Variants in ALS2 observed in about 807,000 individuals in gnomAD.
ALS2 encodes the protein alsin Rho guanine nucleotide exchange factor ALS2.
A neutral mutation model predicts 203.4 loss-of-function variants in ALS2; 117 were observed. The ratio of observed to expected loss-of-function variants is 0.58; its 90% CI spans 0.50 to 0.67. The LOEUF is 0.67. ALS2 is among the 30% of genes least tolerant of loss of function. The pLI, the probability that ALS2 is intolerant of heterozygous loss-of-function variation, is 0.00. For synonymous variants in ALS2, 718 were observed against 725.9 expected (o/e 0.99, Z 0.17); for missense variants, 1,715 against 1,989.4 (o/e 0.86, Z 2.62).
intron 25 of ALS2, among the ~76,000 whole-genome samples, chr2:201,714,262 C>T (rs185065279): frequency 6.6e-6 from 1 of 152,338 alleles, no homozygotes; most frequent in East Asian, 1.9e-4. Context: ...TTATGGTGAA[C>T]ATCTGCTTTC....
Position 201,761,366 on chromosome 2 carries a change from C to A in ALS2, c.628G>T (p.Ala210Ser), listed in dbSNP as rs200372769. The A allele has an allele frequency of 6.2e-7, 1 of 1,613,100 alleles. No individual in the cohort carries two copies. Among genetic ancestry groups the A allele is most frequent in the Non-Finnish European group, 8.5e-7 (1 of 1,179,084 alleles). The change falls in exon 4 of 34, where the codon GCT (alanine) becomes TCT (serine). Residue 210 changes from alanine (A) to serine (S), a missense_variant. Coordinates refer to ENST00000264276, the MANE Select transcript of ALS2 (RefSeq NM_020919.4). ...TGTACAAGGGCTAAGCTGTGGAAAG[C>A]ACCACAGGCAACTTGAAGCACCACT... ...GRVVLQVACG[A>S]FHSLALVQCL...
rs1320791581 is a variant in ALS2, at chr2:201,757,824, AAAAG to A, written c.1114-69_1114-66del. ...TCCCTTATGCAACAAGCAATCAATA[AAAAG>A]AAAGGCTAATATCCATCGCTATTTG... is the stretch of plus-strand genomic sequence containing the variant. On this transcript the variant is annotated intron_variant, in intron 4 of 33. Transcript: ENST00000264276. 7.8e-6 allele frequency: 10 copies of A among 1,287,084 alleles called. No individual in the cohort carries two copies. The African/African-American group carries it at 1.2e-4, about 15-fold the overall frequency. 79.7% of individuals were successfully genotyped at this position (1,287,084 alleles called of 1,614,324 possible). A position where few individuals can be genotyped will look rare whatever the true frequency, so the allele number is the denominator to read the frequency against.
chr2:201,727,488 C>T (rs763796715), intron 16 of ALS2, among the ~76,000 whole-genome samples: 9 of 152,184 alleles, frequency 5.9e-5, no homozygotes, highest in Non-Finnish European at 1.0e-4. Flanking sequence ...AATGAAGATG[C>T]CCTTTCATCA....
At position 201,723,513 on chromosome 2, in the gene ALS2, TG is replaced by T. The variant is rs1690952457; in HGVS notation, c.3513-73del. ...AAGTAGGGAAAAGACAATTATCACA[TG>T]GGAGATCCCAGGCATCAACCCTAGG... On this transcript the variant is annotated intron_variant, in intron 21 of 33. Transcript: ENST00000264276. The T allele has an allele frequency of 1.1e-5, 14 of 1,303,910 alleles. No homozygotes were observed. In the South Asian group the frequency reaches 1.5e-4, roughly 14 times the overall value. 80.8% of individuals were successfully genotyped at this position (1,303,910 alleles called of 1,614,324 possible). A position where few individuals can be genotyped will look rare whatever the true frequency, so the allele number is the denominator to read the frequency against.
At chr2:201,747,719 G>A (rs944020056) in intron 8 of ALS2, among the ~76,000 whole-genome samples, 1 of 152,182 alleles carries the variant, frequency 6.6e-6, no homozygotes. Flanking sequence ...AAAGTGCTGG[G>A]ATTACGGGCG....
Position 201,704,560 on chromosome 2 carries a change from T to C in ALS2, c.4732A>G (p.Thr1578Ala). ...ACACTCTGAGAGATCTCCTCAAAAGTCTGCTGGATGACCTTAAGTTTGTCT... is the reference window on the plus strand; with the variant it reads ...ACACTCTGAGAGATCTCCTCAAAAGCCTGCTGGATGACCTTAAGTTTGTCT... ...PSDKLKVIQQ[T>A]FEEISQSVLA... The change falls in exon 32 of 34, where the codon ACT (threonine) becomes GCT (alanine). Residue 1578 changes from threonine to alanine, a missense_variant. This residue lies in a region of ALS2 where 1,227 missense variants were observed against 1,413.5 expected (regional missense o/e 0.87). Coordinates refer to ENST00000264276, the MANE Select transcript of ALS2 (RefSeq NM_020919.4). 2 of 1,614,114 alleles carry C rather than the reference T, an allele frequency of 1.2e-6. No individual in the cohort carries two copies. Among genetic ancestry groups the C allele is most frequent in the Non-Finnish European group, 1.7e-6 (2 of 1,180,006 alleles).
At chr2:201,728,243 T>C (rs1691319304) in intron 15 of ALS2, among the ~76,000 whole-genome samples, 1 of 151,076 alleles carries the variant, frequency 6.6e-6, no homozygotes, top group South Asian at 2.1e-4. Context: ...TATCCCTCCC[T>C]CCTCCCCCGA....
At position 201,744,404 on chromosome 2, in the gene ALS2, G is replaced by A. The variant is rs201232912; in HGVS notation, c.2024C>T (p.Ala675Val). ...CAAGGCTAAATAGCTATCTTTTCCT[G>A]CTGTCACTCTGCTTATATATCCAAG... is the stretch of plus-strand genomic sequence containing the variant. ...SKLGYISRVT[A>V]GKDSYLALVD... The change falls in exon 10 of 34, where the codon GCA becomes GTA. Residue 675 changes from alanine (A) to valine (V), a missense_variant. Ala to Val is a moderately conservative substitution (Grantham distance 64). Around this residue, in one of 3 missense-constraint regions of ALS2, gnomAD observed 1,227 missense variants for 1,413.5 expected, o/e 0.87. Coordinates refer to ENST00000264276, the MANE Select transcript of ALS2 (RefSeq NM_020919.4). 4 of 1,613,972 alleles carry A rather than the reference G, an allele frequency of 2.5e-6. No homozygotes were observed. The highest frequency in any genetic ancestry group is 1.7e-6 in the Non-Finnish European group (2 of 1,179,978).
At chr2:201,714,368 G>C (rs1690235906) in intron 25 of ALS2, among the ~76,000 whole-genome samples, 1 of 152,160 alleles carries the variant, frequency 6.6e-6, no homozygotes, top group African/African-American at 2.4e-5. Flanking sequence ...GTCTCTAGTG[G>C]GCTTCCCTGG....
rs575616026 is a variant in ALS2, at chr2:201,741,927, TA to T, written c.2171-74del. ...CACTTTATTATGATGTGATTATGAT[TA>T]TGAATTCCTCTAAGACTACTTAACC... On this transcript the variant is annotated intron_variant, in intron 10 of 33. Coordinates refer to ENST00000264276, the MANE Select transcript of ALS2 (RefSeq NM_020919.4). 1.8e-4 allele frequency: 234 copies of T among 1,312,802 alleles called. 1 individual carries two copies. The African/African-American group carries it at 2.3e-3, about 13-fold the overall frequency. 81.3% of individuals were successfully genotyped at this position (1,312,802 alleles called of 1,614,324 possible).
At chr2:201,755,969 C>T (rs920121833) in intron 5 of ALS2, among the ~76,000 whole-genome samples, 7 of 152,048 alleles carry the variant, frequency 4.6e-5, no homozygotes, top group African/African-American at 1.7e-4. Context: ...GTGAATGTAT[C>T]GTTTCTATGC....
Position 201,724,325 on chromosome 2 carries a change from G to C in ALS2, c.3482C>G (p.Ala1161Gly). The C allele has an allele frequency of 1.9e-6, 3 of 1,613,978 alleles. No individual in the cohort carries two copies. Among genetic ancestry groups the C allele is most frequent in the Non-Finnish European group, 2.5e-6 (3 of 1,179,908 alleles). The change falls in exon 21 of 34, where the codon GCA becomes GGA. Residue 1161 changes from alanine to glycine, a missense_variant. Physicochemically the swap from Ala to Gly is moderately conservative, Grantham distance 60. Coordinates refer to ENST00000264276, the MANE Select transcript of ALS2 (RefSeq NM_020919.4). The part of the protein sequence containing the change: ...FIGQWVMDKK[A>G]GYGVFDDITR... ...GATATCATCAAAGACACCATATCCTGCTTTCTTATCCATTACCCACTGGCC... is the reference window on the plus strand; with the variant it reads ...GATATCATCAAAGACACCATATCCTCCTTTCTTATCCATTACCCACTGGCC...
intron 1 of ALS2, among the ~76,000 whole-genome samples, chr2:201,779,826 T>C (rs1694817278): frequency 6.6e-6 from 1 of 152,206 alleles, no homozygotes; most frequent in African/African-American, 2.4e-5. Flanking sequence ...ACCACTATGC[T>C]TATGTTATCA....
chr2:201,732,163 C>G (rs1691597835), intron 13 of ALS2, among the ~76,000 whole-genome samples: 1 of 152,088 alleles, frequency 6.6e-6, no homozygotes, highest in African/African-American at 2.4e-5. Context: ...TCACAGCAGG[C>G]TCAAATGTAG....
chr2:201,758,847 C>T (rs890463817), intron 4 of ALS2, among the ~76,000 whole-genome samples: 6 of 151,816 alleles, frequency 4.0e-5, no homozygotes, highest in Non-Finnish European at 7.4e-5. Context: ...TGGTACCTAG[C>T]GAAGTGCCTG....
intron 1 of ALS2, among the ~76,000 whole-genome samples, chr2:201,771,390 G>GT (rs1694377423): frequency 6.6e-6 from 1 of 152,040 alleles, no homozygotes; most frequent in South Asian, 2.1e-4. Context: ...TGTTTAATAT[G>GT]TTTGACATCT....
chr2:201,742,841 G>A (rs916385511), intron 10 of ALS2, among the ~76,000 whole-genome samples: 7 of 152,146 alleles, frequency 4.6e-5, no homozygotes, highest in Admixed American at 2.0e-4. Flanking sequence ...GGAGGCCGAG[G>A]CAGGCAGATC....
At chr2:201,761,889 C>A in intron 3 of ALS2, 71 bp from the exon 4 acceptor site, 1 of 1,506,334 alleles carries the variant, frequency 6.6e-7, no homozygotes, top group Non-Finnish European at 9.1e-7. Flanking sequence ...TAACAGCAAA[C>A]TTTTAGTCCC....
intron 4 of ALS2, among the ~76,000 whole-genome samples, 159 bp from the exon 5 acceptor site, chr2:201,757,918 C>T (rs1487866486): frequency 6.6e-6 from 1 of 152,218 alleles, no homozygotes; most frequent in Non-Finnish European, 1.5e-5. Context: ...TCTTCTTGAT[C>T]ATGGAGTTAA....
Sources: allele counts gnomAD v4.1 joint callset (sites outside exome capture counted in the v4.1 genomes callset), GRCh38; gene constraint gnomAD v4.1.1; regional missense constraint gnomAD v4.1.1; transcripts MANE v1.5; gene names NCBI Gene and HGNC (gene_info 2026-07-23, HGNC 2026-07-21).